POC1B: variants seen among roughly 807,000 people sequenced by gnomAD.
POC1B encodes POC1 centriolar protein B.
POC1B carries 44 observed loss-of-function variants against 60.6 expected under a neutral mutation model. The ratio of observed to expected loss-of-function variants is 0.73; its 90% CI spans 0.57 to 0.93. POC1B has a LOEUF of 0.93. Ranked by LOEUF, POC1B falls within the 40% of genes least tolerant of loss-of-function variation. POC1B has a pLI of 0.00. For synonymous variants in POC1B, 180 were observed against 198.9 expected, an observed-to-expected ratio of 0.90 and a Z score of 0.80; for missense variants, 555 against 572.3, an observed-to-expected ratio of 0.97 and a Z score of 0.31.
At position 89,526,018 on chromosome 12, in the gene POC1B, C is replaced by A. The variant is rs779930776; in HGVS notation, c.-123G>T. The A allele has an allele frequency of 1.5e-5, 23 of 1,538,222 alleles. No individual in the cohort carries two copies. In the South Asian group the frequency reaches 2.5e-4, roughly 17 times the overall value. On this transcript the variant is annotated 5_prime_UTR_variant, in exon 1 of 12. Coordinates refer to ENST00000313546, the MANE Select transcript of POC1B (RefSeq NM_172240.3). ...CCGTCTGCCCAGAGCGGCAGCGCCT[C>A]CCGGTCACTACAACAACGGCGGCCC... is the stretch of plus-strand genomic sequence containing the variant.
chr12:89,423,231 C>T (rs1242750686), intron 11 of POC1B, among the ~76,000 whole-genome samples: 1 of 152,006 alleles, frequency 6.6e-6, no homozygotes, highest in Non-Finnish European at 1.5e-5. Flanking sequence ...TTTGGGAGGC[C>T]GAGCTGGGCG....
intron 4 of POC1B, among the ~76,000 whole-genome samples, chr12:89,486,826 G>C (rs1868656589): frequency 6.6e-6 from 1 of 151,940 alleles, no homozygotes; most frequent in African/African-American, 2.4e-5. Flanking sequence ...ACTTCCTATG[G>C]AAAGCATCTT....
At chr12:89,499,619 A>T (rs1565751099) in intron 2 of POC1B, among the ~76,000 whole-genome samples, 1 of 151,666 alleles carries the variant, frequency 6.6e-6, no homozygotes, top group Non-Finnish European at 1.5e-5. Flanking sequence ...TAAGGAAAGG[A>T]TTTTTTTTTA....
chr12:89,501,183 T>C (rs569004319), intron 2 of POC1B: 17 of 1,437,886 alleles, frequency 1.2e-5, no homozygotes, highest in Admixed American at 1.7e-5. Context: ...CTTTGGCAAA[T>C]GACAAACATT....
chr12:89,484,843 G>T lies in POC1B; in HGVS notation c.452+7093C>A, dbSNP rs558962860. Among the ~76,000 whole-genome samples the T allele has an allele frequency of 1.3e-3, 193 of 152,338 alleles. 3 individuals are homozygous for T. The Middle Eastern group carries it at 0.017, about 13-fold the overall frequency. On this transcript the variant is annotated intron_variant, in intron 4 of 11. Transcript: ENST00000313546. Reference sequence around the variant, plus strand: ...GCCTCCATCCTGGCTCAGGGGAAGGGTGACTGACCAGCAGTACTGATCACT... The same window carrying T: ...GCCTCCATCCTGGCTCAGGGGAAGGTTGACTGACCAGCAGTACTGATCACT...
rs970798376 is a variant in POC1B, at chr12:89,420,334, A to C, written c.*819T>G. 2 of 152,222 alleles carry C rather than the reference A, an allele frequency of 1.3e-5. No homozygotes were observed. Among genetic ancestry groups the C allele is most frequent in the African/African-American group, 4.8e-5 (2 of 41,468 alleles). 9.4% of individuals were successfully genotyped at this position (152,222 alleles called of 1,614,324 possible). On this transcript the variant is annotated 3_prime_UTR_variant, in exon 12 of 12. Transcript: ENST00000313546. ...CAATATTTCTGAAGCATGTGTACAT[A>C]CATGTGTGTATATTTTTAAATATCA...
At chr12:89,497,718 G>C (rs904346208) in intron 2 of POC1B, among the ~76,000 whole-genome samples, 29 of 152,182 alleles carry the variant, frequency 1.9e-4, no homozygotes, top group African/African-American at 7.0e-4. Context: ...ATGTCATGAG[G>C]ACTGAATGTT....
chr12:89,522,705 C>T, intron 2 of POC1B: 5 of 1,422,750 alleles, frequency 3.5e-6, no homozygotes, highest in Non-Finnish European at 4.7e-6. Flanking sequence ...CCACAGATGA[C>T]TGCTAGGTGG....
At chr12:89,410,242 A>G in the POC1B span, among the ~76,000 whole-genome samples, 1 of 152,234 alleles carries the variant, frequency 6.6e-6, no homozygotes. Flanking sequence ...AAAGCCTTTG[A>G]TAAAATTCAA....
intron 7 of POC1B, among the ~76,000 whole-genome samples, chr12:89,469,487 G>A (rs1339576943): frequency 2.0e-5 from 3 of 152,148 alleles, no homozygotes; most frequent in African/African-American, 4.8e-5. Context: ...TTTCTAGAAC[G>A]GATGCCCAGA....
chr12:89,427,004 C>G (rs535633903), intron 10 of POC1B: 2 of 152,128 alleles, frequency 1.3e-5, no homozygotes, highest in Non-Finnish European at 2.9e-5. Flanking sequence ...AGTGCAAACC[C>G]TATCAAAATC....
intron 2 of POC1B, chr12:89,500,639 A>C (rs1869510276): frequency 6.3e-7 from 1 of 1,585,724 alleles, no homozygotes; most frequent in African/African-American, 1.3e-5. Flanking sequence ...AAAGAGAGAG[A>C]CTTACACTTT....
At chr12:89,476,227 A>C (rs917097091) in intron 4 of POC1B, among the ~76,000 whole-genome samples, 7 of 152,024 alleles carry the variant, frequency 4.6e-5, no homozygotes, top group Admixed American at 6.6e-5. Flanking sequence ...AAATTCTTGA[A>C]CTTATTTCTA....
chr12:89,465,700 A>G (rs1005358364), intron 9 of POC1B, among the ~76,000 whole-genome samples: 3 of 152,214 alleles, frequency 2.0e-5, no homozygotes, highest in African/African-American at 7.2e-5. Context: ...TAACATGATT[A>G]ATACTTTAGA....
the POC1B span, among the ~76,000 whole-genome samples, chr12:89,404,119 T>TGAAA: frequency 6.8e-6 from 1 of 147,976 alleles, no homozygotes; most frequent in African/African-American, 2.5e-5. Context: ...ACAACAAGAA[T>TGAAA]GAAACTCCAT....
At position 89,423,480 on chromosome 12, in the gene POC1B, A is replaced by T. The variant is rs563927410; in HGVS notation, c.1332+1681T>A. On this transcript the variant is annotated intron_variant, in intron 11 of 11. Coordinates refer to ENST00000313546, the MANE Select transcript of POC1B (RefSeq NM_172240.3). ...CATTATCACAGTTCCAAATGCTAGA[A>T]GTTATTTATACATTTATTATTAACA... Among the ~76,000 whole-genome samples, 30 of 152,290 alleles carry T rather than the reference A, an allele frequency of 2.0e-4. No homozygotes were observed. The South Asian group carries it at 6.0e-3, about 31-fold the overall frequency.
rs750884875 is a variant in POC1B, at chr12:89,525,861, C to T, written c.15+20G>A. ...ACAGGCTCCAGGGAGGGACCCCCCC[C>T]ACCTCCAACCCGTCCTTACCGTGGC... On this transcript the variant is annotated intron_variant, in intron 1 of 11. Transcript: ENST00000313546. 27 of 1,424,610 alleles carry T rather than the reference C, an allele frequency of 1.9e-5. No homozygotes were observed. Among genetic ancestry groups the T allele is most frequent in the Admixed American group, 2.9e-5 (1 of 34,812 alleles). 88.2% of individuals were successfully genotyped at this position (1,424,610 alleles called of 1,614,324 possible).
intron 4 of POC1B, among the ~76,000 whole-genome samples, chr12:89,476,707 TAGA>T (rs201443661): frequency 3.4e-5 from 2 of 59,136 alleles, no homozygotes; most frequent in South Asian, 6.9e-4. Context: ...AATAGATAGA[TAGA>T]TAGATAGATA....
At chr12:89,523,259 C>G (rs776285261) in intron 2 of POC1B, 6 of 1,614,044 alleles carry the variant, frequency 3.7e-6, no homozygotes, top group Non-Finnish European at 5.1e-6. Flanking sequence ...TTAGGAAAAA[C>G]GTTTTTCAAA....
Sources: gnomAD v4.1 joint callset for allele counts (sites outside exome capture counted in the v4.1 genomes callset) on GRCh38, gnomAD v4.1.1 for gene constraint, MANE v1.5 for transcripts, NCBI Gene and HGNC (gene_info 2026-07-23, HGNC 2026-07-21) for gene names.